PTPRA: variants seen among roughly 807,000 people sequenced by gnomAD.
The protein encoded by PTPRA is receptor-type tyrosine-protein phosphatase alpha.
PTPRA carries 25 observed loss-of-function variants against 104.8 expected under a neutral mutation model. That is an observed-to-expected ratio of 0.24 (90% CI 0.17 to 0.33). The LOEUF is 0.33. Ranked by LOEUF, PTPRA falls within the 10% of genes least tolerant of loss-of-function variation. PTPRA has a pLI of 1.00. For missense variants in PTPRA, 765 were observed against 1,015.3 expected (o/e 0.75, Z 3.35); for synonymous variants, 323 against 368.9 (o/e 0.88, Z 1.43).
chr20:2,981,490 T>C (rs141418924), intron 6 of PTPRA, among the ~76,000 whole-genome samples: 362 of 152,314 alleles, frequency 2.4e-3, no homozygotes, highest in Non-Finnish European at 3.1e-3. Flanking sequence ...AGGGATATTG[T>C]TAAATGTCCT....
the PTPRA span, chr20:2,864,998 A>C: frequency 6.2e-7 from 1 of 1,614,144 alleles, no homozygotes; most frequent in Non-Finnish European, 8.5e-7. The surrounding 1 kb of genome is among the most constrained non-coding windows in gnomAD (Gnocchi z 5.2). Flanking sequence ...GGCGAGTAGC[A>C]GCTCTGCAGA....
In PTPRA at chr20:2,909,941, GTAAT is replaced by G. The variant is rs1273542534; in HGVS notation, c.-128-13263_-128-13260del. Among the ~76,000 whole-genome samples the G allele has an allele frequency of 1.7e-4, 21 of 120,820 alleles. No homozygotes were observed. In the Admixed American group the frequency reaches 1.8e-3, roughly 10 times the overall value. 79.3% of individuals were successfully genotyped at this position (120,820 alleles called of 152,430 possible). ...TTATATATTGTTATATATAATATGT[GTAAT>G]TATATATTATAATATATGATATATA... On this transcript the variant is annotated intron_variant, in intron 1 of 23. Coordinates refer to ENST00000399903, the MANE Select transcript of PTPRA (RefSeq NM_001385305.1).
rs2061324792 is a variant in PTPRA at position 2,950,664 on chromosome 20, G to A, written c.-7+2640G>A. On this transcript the variant is annotated intron_variant, in intron 3 of 23. Transcript: ENST00000399903. This position sits in a 1 kb window ranked among gnomAD's most constrained non-coding sequence, Gnocchi z 4.0. ...TCTCAAAAAAAAAAAAAATTTACTT[G>A]TGTCTTCTCTTTTTACCTGTTTGTT... Among the ~76,000 whole-genome samples, 6 of 151,744 alleles carry A rather than the reference G, an allele frequency of 4.0e-5. No homozygotes were observed. The South Asian group carries it at 1.3e-3, about 32-fold the overall frequency.
chr20:2,982,794 T>C (rs1383674574), intron 6 of PTPRA, among the ~76,000 whole-genome samples: 6 of 151,802 alleles, frequency 4.0e-5, no homozygotes, highest in African/African-American at 1.5e-4. Context: ...CCCCCCAGGT[T>C]CAAGCGATTC....
intron 6 of PTPRA, among the ~76,000 whole-genome samples, chr20:2,976,549 A>G (rs2062439000): frequency 6.6e-6 from 1 of 152,228 alleles, no homozygotes; most frequent in South Asian, 2.1e-4. Flanking sequence ...TGACATATGT[A>G]AAGTCTATTA....
intron 20 of PTPRA, among the ~76,000 whole-genome samples, chr20:3,033,761 A>G (rs895072338): frequency 9.9e-5 from 15 of 151,906 alleles, no homozygotes; most frequent in African/African-American, 3.6e-4. Context: ...ATTAGCGGGC[A>G]TGGTGATGCA....
Position 3,013,230 on chromosome 20 carries a change from G to T in PTPRA, c.907-2619G>T, listed in dbSNP as rs1167021566. 3.3e-5 allele frequency among the ~76,000 whole-genome samples: 5 copies of T among 152,290 alleles called. 1 individual carries two copies. The East Asian group carries it at 7.7e-4, about 23-fold the overall frequency. On this transcript the variant is annotated intron_variant, in intron 11 of 23. Transcript: ENST00000399903. Reference sequence around the variant, plus strand: ...ATCTTGAAGGGAACTAGGCACCATGGAGTAGTGGTGAAAGGCCTAGGAAAG... The same window carrying T: ...ATCTTGAAGGGAACTAGGCACCATGTAGTAGTGGTGAAAGGCCTAGGAAAG...
At chr20:2,875,237 C>G (rs2089641127) in intron 1 of PTPRA, among the ~76,000 whole-genome samples, 2 of 152,150 alleles carry the variant, frequency 1.3e-5, no homozygotes, top group Non-Finnish European at 2.9e-5. Context: ...TTCCCCATGT[C>G]CATCCCACCC....
chr20:3,015,832 C>T lies in PTPRA; in HGVS notation c.907-17C>T, dbSNP rs753461871. Reference sequence around the variant, plus strand: ...TTTGGTTTTCTCTTTCTTTTTCTTTCCTTCCCCACACCCCAGGGCTACCAA... The same window carrying T: ...TTTGGTTTTCTCTTTCTTTTTCTTTTCTTCCCCACACCCCAGGGCTACCAA... On this transcript the variant is annotated splice_polypyrimidine_tract_variant and intron_variant, in intron 11 of 23. Coordinates refer to ENST00000399903, the MANE Select transcript of PTPRA (RefSeq NM_001385305.1). 2 of 1,539,426 alleles carry T rather than the reference C, an allele frequency of 1.3e-6. No individual in the cohort carries two copies. The highest frequency in any genetic ancestry group is 1.8e-6 in the Non-Finnish European group (2 of 1,115,422).
At chr20:2,916,367 T>C (rs1320029969) in intron 1 of PTPRA, among the ~76,000 whole-genome samples, 1 of 152,190 alleles carries the variant, frequency 6.6e-6, no homozygotes, top group Non-Finnish European at 1.5e-5. Flanking sequence ...ATATATGGTA[T>C]GAGGTAAGGA....
In PTPRA at chr20:2,965,310, C is replaced by T. The variant is rs1427837234; in HGVS notation, c.415+108C>T. The T allele has an allele frequency of 3.5e-6, 4 of 1,158,514 alleles. No homozygotes were observed. The African/African-American group carries it at 4.7e-5, about 14-fold the overall frequency. 71.8% of individuals were successfully genotyped at this position (1,158,514 alleles called of 1,614,324 possible). On this transcript the variant is annotated intron_variant, in intron 5 of 23. Transcript: ENST00000399903. ...AAATTTCTTCAAATAAGTAAAATTG[C>T]TCAAGTGAAGTAATGAAACCTGTAT...
chr20:3,020,584 C>CT (rs1242767619), intron 13 of PTPRA, among the ~76,000 whole-genome samples: 1 of 152,230 alleles, frequency 6.6e-6, no homozygotes, highest in Admixed American at 6.5e-5. Flanking sequence ...GGGCCTTTTC[C>CT]TTTTGTGGCT....
intron 2 of PTPRA, among the ~76,000 whole-genome samples, chr20:2,934,904 T>A (rs923888642): frequency 6.6e-6 from 1 of 152,138 alleles, no homozygotes; most frequent in Non-Finnish European, 1.5e-5. Flanking sequence ...ACTCCTGACC[T>A]CAGGTGATCT....
intron 20 of PTPRA, among the ~76,000 whole-genome samples, chr20:3,028,863 A>G (rs507873): frequency 0.62 from 94,533 of 152,064 alleles, 31,010 homozygotes; most frequent in East Asian, 0.88. Context: ...TAGAAATGCG[A>G]AAGCTGTGGC....
chr20:3,004,101 T>A (rs1203685731), intron 9 of PTPRA, among the ~76,000 whole-genome samples: 2 of 152,190 alleles, frequency 1.3e-5, no homozygotes, highest in African/African-American at 2.4e-5. Context: ...CACTGCAACC[T>A]CCACCTCCCA....
At chr20:2,974,728 T>C (rs994587482) in intron 5 of PTPRA, among the ~76,000 whole-genome samples, 46 of 152,336 alleles carry the variant, frequency 3.0e-4, no homozygotes, top group African/African-American at 9.6e-4. Context: ...TTTCTTACTT[T>C]GTCAATTTCT....
intron 14 of PTPRA, 118 bp from the exon 15 acceptor site, chr20:3,021,936 C>G (rs553982366): frequency 7.6e-7 from 1 of 1,317,874 alleles, no homozygotes; most frequent in African/African-American, 1.5e-5. Flanking sequence ...TTAACTAACT[C>G]CCCTGGGTAC....
intron 5 of PTPRA, among the ~76,000 whole-genome samples, chr20:2,968,507 T>TTTTTG (rs759599927): frequency 6.9e-6 from 1 of 145,184 alleles, no homozygotes; most frequent in African/African-American, 2.7e-5. Context: ...CTTTTTTTTT[T>TTTTTG]TTCTCAAATT....
intron 11 of PTPRA, among the ~76,000 whole-genome samples, chr20:3,013,177 G>A (rs929293096): frequency 1.3e-4 from 20 of 152,076 alleles, no homozygotes; most frequent in East Asian, 9.6e-4. Context: ...TTAACTTTTT[G>A]CGTAGAGAAC....
Sources: gnomAD v4.1 joint callset for allele counts (sites outside exome capture counted in the v4.1 genomes callset) on GRCh38, gnomAD v4.1.1 for gene constraint, Gnocchi (gnomAD v3.1) non-coding constraint, MANE v1.5 for transcripts, NCBI Gene and HGNC (gene_info 2026-07-23, HGNC 2026-07-21) for gene names.